RYR2: variants seen among roughly 807,000 people sequenced by gnomAD.
RYR2 encodes cardiac muscle ryanodine receptor-calcium release channel.
In RYR2, 227 loss-of-function variants were observed where a neutral mutation model predicts 601.1. The observed-to-expected ratio is 0.38, with a 90% CI of 0.34 to 0.42. The LOEUF (loss-of-function observed/expected upper bound fraction) is 0.42. Among genes scored for constraint, RYR2 ranks in the 10% least tolerant of loss-of-function variants. RYR2 has a pLI of 1.00. For missense variants in RYR2, 4,646 were observed against 6,156.5 expected (o/e 0.75, Z 8.21); for synonymous variants, 2,223 against 2,175.1 (o/e 1.02, Z -0.61).
Position 237,647,905 on chromosome 1 carries a change from G to A in RYR2, c.7343-539G>A, listed in dbSNP as rs887659877. On this transcript the variant is annotated intron_variant, in intron 48 of 104. Coordinates refer to ENST00000366574, the MANE Select transcript of RYR2 (RefSeq NM_001035.3). ...TAAGTGTTGATAGAGAAAGCAATATGACCCTTAAATGCACGTTAAATGCTA... is the reference window on the plus strand; with the variant it reads ...TAAGTGTTGATAGAGAAAGCAATATAACCCTTAAATGCACGTTAAATGCTA... Among the ~76,000 whole-genome samples, 7 of 152,164 alleles carry A rather than the reference G, an allele frequency of 4.6e-5. No homozygotes were observed. In the South Asian group the frequency reaches 1.2e-3, roughly 27 times the overall value.
intron 17 of RYR2, among the ~76,000 whole-genome samples, chr1:237,474,369 G>C (rs2150332578): frequency 6.6e-6 from 1 of 151,722 alleles, no homozygotes; most frequent in African/African-American, 2.4e-5. Flanking sequence ...AACAGTTTCA[G>C]TTTTCCTGAC....
At chr1:237,405,011 T>A (rs1703723424) in intron 10 of RYR2, among the ~76,000 whole-genome samples, 1 of 152,144 alleles carries the variant, frequency 6.6e-6, no homozygotes, top group Non-Finnish European at 1.5e-5. Flanking sequence ...AACCAACACT[T>A]TGATTTCAGC....
At chr1:237,493,385 T>G (rs1036545320) in intron 19 of RYR2, among the ~76,000 whole-genome samples, 1 of 152,214 alleles carries the variant, frequency 6.6e-6, no homozygotes, top group Non-Finnish European at 1.5e-5. Flanking sequence ...TATAGGTATA[T>G]GGTTGTATAT....
intron 2 of RYR2, among the ~76,000 whole-genome samples, chr1:237,324,293 A>G (rs1695931849): frequency 6.6e-6 from 1 of 152,108 alleles, no homozygotes; most frequent in Non-Finnish European, 1.5e-5. Flanking sequence ...TCATGTCTCT[A>G]GTTGGTAAAT....
intron 4 of RYR2, among the ~76,000 whole-genome samples, chr1:237,363,615 C>T (rs1156767668): frequency 6.6e-6 from 1 of 152,064 alleles, no homozygotes; most frequent in Non-Finnish European, 1.5e-5. Context: ...TTTTCATACT[C>T]TTTCATCTGT....
intron 58 of RYR2, among the ~76,000 whole-genome samples, chr1:237,672,691 TTA>T (rs1431280758): frequency 1.3e-5 from 2 of 152,218 alleles, no homozygotes; most frequent in African/African-American, 4.8e-5. Flanking sequence ...TCCTGTTTAA[TTA>T]TATCTTTGAT....
At chr1:237,162,029 G>A (rs1236300558) in intron 1 of RYR2, among the ~76,000 whole-genome samples, 2 of 152,124 alleles carry the variant, frequency 1.3e-5, no homozygotes, top group African/African-American at 4.8e-5. Context: ...GCTCTGTGTG[G>A]ATATTTACAC....
intron 17 of RYR2, among the ~76,000 whole-genome samples, chr1:237,490,133 T>C (rs1364640051): frequency 6.6e-6 from 1 of 151,962 alleles, no homozygotes; most frequent in Non-Finnish European, 1.5e-5. Context: ...AAACAAGGGG[T>C]ACTCATGGAC....
At chr1:237,246,191 G>A (rs1210001067) in intron 1 of RYR2, among the ~76,000 whole-genome samples, 2 of 152,018 alleles carry the variant, frequency 1.3e-5, no homozygotes, top group Non-Finnish European at 2.9e-5. Context: ...CACCTCCTGG[G>A]TTCCAGCGAT....
chr1:237,593,183 A>T (rs1419745589), intron 32 of RYR2, among the ~76,000 whole-genome samples: 3 of 152,222 alleles, frequency 2.0e-5, no homozygotes, highest in Non-Finnish European at 4.4e-5. Flanking sequence ...TAGCACACAC[A>T]TATATGCTGA....
intron 27 of RYR2, among the ~76,000 whole-genome samples, chr1:237,556,502 G>T: frequency 6.7e-6 from 1 of 150,096 alleles, no homozygotes; most frequent in East Asian, 2.0e-4. Flanking sequence ...GTAGAGGCGG[G>T]GTTTCACCAT....
chr1:237,195,703 T>C (rs947260882), intron 1 of RYR2, among the ~76,000 whole-genome samples: 2 of 152,228 alleles, frequency 1.3e-5, no homozygotes, highest in Non-Finnish European at 2.9e-5. Context: ...TAGGCTCTAG[T>C]CTGGTCATTG....
At chr1:237,590,128 G>A in intron 30 of RYR2, 127 bp downstream of exon 30, 1 of 847,496 alleles carries the variant, frequency 1.2e-6, no homozygotes, top group Non-Finnish European at 1.8e-6. Context: ...GTGTTATATA[G>A]TAGTGGAATC....
intron 25 of RYR2, among the ~76,000 whole-genome samples, chr1:237,543,708 G>A (rs1669529326): frequency 6.6e-6 from 1 of 151,974 alleles, no homozygotes; most frequent in Admixed American, 6.6e-5. Flanking sequence ...GGTGGGGGTG[G>A]CTTAAAAAAA....
At chr1:237,127,640 C>T (rs1467913168) in intron 1 of RYR2, among the ~76,000 whole-genome samples, 6 of 149,854 alleles carry the variant, frequency 4.0e-5, no homozygotes, top group South Asian at 2.1e-4. Context: ...GGGCGGCTGC[C>T]GGGCGGAGGG....
chr1:237,359,006 G>T (rs1699542606), intron 4 of RYR2, among the ~76,000 whole-genome samples: 1 of 152,106 alleles, frequency 6.6e-6, no homozygotes, highest in Admixed American at 6.5e-5. Context: ...TGCTTAGGTG[G>T]CATAACAATA....
At chr1:237,591,085 T>C in intron 31 of RYR2, 93 bp downstream of exon 31, 1 of 794,824 alleles carries the variant, frequency 1.3e-6, no homozygotes, top group Non-Finnish European at 1.8e-6. Context: ...AATTTTTTCC[T>C]CCTTCTCCTC....
intron 79 of RYR2, among the ~76,000 whole-genome samples, chr1:237,739,403 G>T (rs1403870085): frequency 6.6e-6 from 1 of 152,080 alleles, no homozygotes; most frequent in Non-Finnish European, 1.5e-5. Flanking sequence ...CTCTTTACCA[G>T]CTGTCATCCC....
At chr1:237,165,773 G>T (rs553687811) in intron 1 of RYR2, among the ~76,000 whole-genome samples, 7 of 151,914 alleles carry the variant, frequency 4.6e-5, no homozygotes, top group Admixed American at 6.6e-5. Flanking sequence ...AGGCTGAGGC[G>T]GGAGGATCAC....
Sources: gnomAD v4.1 joint callset for allele counts (sites outside exome capture counted in the v4.1 genomes callset) on GRCh38, gnomAD v4.1.1 for gene constraint, MANE v1.5 for transcripts, NCBI Gene and HGNC (gene_info 2026-07-23, HGNC 2026-07-21) for gene names.